NIPAL2: variants seen among roughly 807,000 people sequenced by gnomAD.
NIPAL2 encodes NIPA-like protein 2.
A neutral mutation model predicts 48.9 loss-of-function variants in NIPAL2; 43 were observed. That is an observed-to-expected ratio of 0.88 (90% confidence interval 0.69 to 1.13). The LOEUF is 1.13. Among genes scored for constraint, NIPAL2 ranks in the 50% most tolerant of loss-of-function variants. NIPAL2 has a pLI of 0.00. For synonymous variants in NIPAL2, 167 were observed against 174.6 expected, an observed-to-expected ratio of 0.96 and a Z score of 0.34; for missense variants, 446 against 461.4, an observed-to-expected ratio of 0.97 and a Z score of 0.31.
chr8:98,211,780 AAG>A (rs368116671), intron 6 of NIPAL2, among the ~76,000 whole-genome samples: 48 of 59,310 alleles, frequency 8.1e-4, no homozygotes, highest in South Asian at 2.1e-3. Context: ...GGGTGGGGGA[AAG>A]AGAGAGAGAG....
intron 5 of NIPAL2, among the ~76,000 whole-genome samples, chr8:98,220,412 T>C (rs1178529579): frequency 2.0e-5 from 3 of 151,854 alleles, no homozygotes; most frequent in Non-Finnish European, 4.4e-5. Flanking sequence ...GCTTTGATTT[T>C]TTTTTTTTTT....
chr8:98,239,922 C>T (rs1190333595), intron 3 of NIPAL2, among the ~76,000 whole-genome samples: 3 of 152,200 alleles, frequency 2.0e-5, no homozygotes, highest in Admixed American at 6.5e-5. Flanking sequence ...CTGAAGTACT[C>T]GCATATATGT....
At chr8:98,222,432 T>C in intron 5 of NIPAL2, 47 bp downstream of exon 5, 1 of 1,587,016 alleles carries the variant, frequency 6.3e-7, no homozygotes. Flanking sequence ...GGACCAGTGG[T>C]CTGGATAATA....
At position 98,225,922 on chromosome 8, in the gene NIPAL2, T is replaced by A. The variant is rs138309191; in HGVS notation, c.437-3322A>T. 5.8e-3 allele frequency among the ~76,000 whole-genome samples: 882 copies of A among 152,124 alleles called. 9 individuals are homozygous for A. The highest frequency in any genetic ancestry group is 0.02 in the African/African-American group (844 of 41,510). The stretch of plus-strand genomic sequence containing the variant: ...TCCTTTTTATTCTTTTTTTGTCTCC[T>A]CTGACTGTATTTTCAAATAGCCTGT... On this transcript the variant is annotated intron_variant, in intron 4 of 10. Transcript: ENST00000430223.
chr8:98,252,679 G>A, intron 2 of NIPAL2, 45 bp from the exon 3 acceptor site: 3 of 1,525,404 alleles, frequency 2.0e-6, no homozygotes, highest in Non-Finnish European at 2.6e-6. Flanking sequence ...TCTGAGCTAT[G>A]AGGGGAATGC....
chr8:98,273,992 G>A (rs1815307585), intron 1 of NIPAL2, among the ~76,000 whole-genome samples: 1 of 151,950 alleles, frequency 6.6e-6, no homozygotes, highest in Non-Finnish European at 1.5e-5. Context: ...AGTGAATGAG[G>A]TAGTTGGTTA....
chr8:98,235,467 A>G (rs1345626640), intron 4 of NIPAL2, among the ~76,000 whole-genome samples: 1 of 152,228 alleles, frequency 6.6e-6, no homozygotes, highest in Non-Finnish European at 1.5e-5. Flanking sequence ...CTTTTGGGAA[A>G]AGCCAAATAT....
At chr8:98,194,067 C>G (rs1810428370) in intron 10 of NIPAL2, among the ~76,000 whole-genome samples, 1 of 152,164 alleles carries the variant, frequency 6.6e-6, no homozygotes, top group South Asian at 2.1e-4. Context: ...TGTCTCCACT[C>G]CTGCCTGGAA....
intron 4 of NIPAL2, among the ~76,000 whole-genome samples, chr8:98,226,146 T>C (rs1352502907): frequency 3.3e-5 from 5 of 152,158 alleles, no homozygotes; most frequent in South Asian, 2.1e-4. Flanking sequence ...TATTTGAGTT[T>C]CCTCGAAACA....
intron 3 of NIPAL2, 51 bp downstream of exon 3, chr8:98,252,412 C>G: frequency 6.8e-7 from 1 of 1,460,062 alleles, no homozygotes; most frequent in Non-Finnish European, 9.1e-7. Flanking sequence ...TGTTTTTCTC[C>G]GATTATTCTG....
At chr8:98,260,782 A>T (rs552316511) in intron 1 of NIPAL2, among the ~76,000 whole-genome samples, 5,503 of 152,340 alleles carry the variant, frequency 0.036, 195 homozygotes, top group African/African-American at 0.091. Context: ...CCACCACAGC[A>T]CAAGGATGCC....
chr8:98,244,577 T>G (rs1456305592), intron 3 of NIPAL2, among the ~76,000 whole-genome samples: 1 of 34,262 alleles, frequency 2.9e-5, no homozygotes. Flanking sequence ...GGGTGCGCTG[T>G]GGTGATGAGA....
rs1810964695 is a variant in NIPAL2, at chr8:98,205,091, G to T, written c.791+20C>A. 6.2e-7 allele frequency: 1 copy of T among 1,611,560 alleles called. No individual in the cohort carries two copies. The highest frequency in any genetic ancestry group is 8.5e-7 in the Non-Finnish European group (1 of 1,178,370). On this transcript the variant is annotated intron_variant, in intron 7 of 10. Coordinates refer to ENST00000430223, the MANE Select transcript of NIPAL2 (RefSeq NM_001321635.2). ...CACCGGAATGTTGAAAGATTAGTGAGTATGCAGAAGCTAACTTACTTGACT... is the reference window on the plus strand; with the variant it reads ...CACCGGAATGTTGAAAGATTAGTGATTATGCAGAAGCTAACTTACTTGACT...
intron 4 of NIPAL2, among the ~76,000 whole-genome samples, chr8:98,228,524 ATC>A (rs1288700767): frequency 1.3e-5 from 2 of 152,166 alleles, no homozygotes; most frequent in Non-Finnish European, 2.9e-5. Flanking sequence ...CAGTTTCCTC[ATC>A]TCTAGGTACA....
intron 4 of NIPAL2, chr8:98,231,636 A>G (rs971919560): frequency 6.6e-6 from 1 of 152,206 alleles, no homozygotes; most frequent in African/African-American, 2.4e-5. Context: ...AATCATTAAA[A>G]TAATTAATCC....
intron 3 of NIPAL2, chr8:98,252,109 C>A (rs543129696): frequency 5.8e-6 from 1 of 171,058 alleles, no homozygotes; most frequent in African/African-American, 2.4e-5. Flanking sequence ...ACTCTAACTA[C>A]AGGCATTATC....
At chr8:98,193,676 G>A (rs951171689) in intron 10 of NIPAL2, among the ~76,000 whole-genome samples, 6 of 151,890 alleles carry the variant, frequency 4.0e-5, no homozygotes, top group Non-Finnish European at 5.9e-5. Context: ...AAAATTAGCC[G>A]GGCATGGTGG....
intron 5 of NIPAL2, among the ~76,000 whole-genome samples, chr8:98,219,691 C>T (rs1811753164): frequency 6.6e-6 from 1 of 152,162 alleles, no homozygotes; most frequent in South Asian, 2.1e-4. Context: ...TTCAGGCTTC[C>T]ATCATCTCTT....
At chr8:98,228,649 T>C (rs1348465731) in intron 4 of NIPAL2, among the ~76,000 whole-genome samples, 1 of 138,772 alleles carries the variant, frequency 7.2e-6, no homozygotes, top group South Asian at 2.2e-4. Context: ...CAGCAGACCC[T>C]GGATAGATCC....
Sources: gnomAD v4.1 joint callset for allele counts (sites outside exome capture counted in the v4.1 genomes callset) on GRCh38, gnomAD v4.1.1 for gene constraint, MANE v1.5 for transcripts, NCBI Gene and HGNC (gene_info 2026-07-23, HGNC 2026-07-21) for gene names.